Variants in PPEF1 observed in about 807,000 individuals in gnomAD.
PPEF1 encodes protein phosphatase with EF-hand domain 1.
PPEF1 carries 12 observed loss-of-function variants against 53.3 expected under a neutral mutation model. That is an observed-to-expected ratio of 0.23 (90% CI 0.14 to 0.36). The LOEUF (loss-of-function observed/expected upper bound fraction) is 0.36. Ranked by LOEUF, PPEF1 falls within the 10% of genes least tolerant of loss-of-function variation. The pLI, the probability that PPEF1 is intolerant of heterozygous loss-of-function variation, is 1.00. For synonymous variants in PPEF1, 165 were observed against 176.7 expected, an observed-to-expected ratio of 0.93 and a Z score of 0.52; for missense variants, 334 against 490.4, an observed-to-expected ratio of 0.68 and a Z score of 3.01.
chrX:18,718,485 C>T (rs1738179130), intron 1 of PPEF1, among the ~76,000 whole-genome samples: 2 of 110,890 alleles, frequency 1.8e-5, no homozygotes, highest in South Asian at 7.8e-4. Context: ...GGCAGAGGAT[C>T]ACTTGAGCCC....
chrX:18,743,454 T>C (rs2045243463), intron 3 of PPEF1, among the ~76,000 whole-genome samples: 1 of 92,128 alleles, frequency 1.1e-5, no homozygotes. Flanking sequence ...TTCTTTTTTT[T>C]TTTTTTTTTT....
intron 5 of PPEF1, among the ~76,000 whole-genome samples, chrX:18,759,418 T>G (rs2045613889): frequency 9.0e-6 from 1 of 111,621 alleles, no homozygotes; most frequent in Non-Finnish European, 1.9e-5. Context: ...GAGATGCATT[T>G]TTTTACATGT....
intron 9 of PPEF1, among the ~76,000 whole-genome samples, chrX:18,788,253 C>T (rs1035491632): frequency 4.4e-5 from 4 of 91,247 alleles, no homozygotes; most frequent in Non-Finnish European, 8.2e-5. Context: ...TGCAGTGAGC[C>T]GAGATCGCGC....
At chrX:18,709,583 C>T (rs1039818329) in intron 1 of PPEF1, among the ~76,000 whole-genome samples, 8 of 107,781 alleles carry the variant, frequency 7.4e-5, no homozygotes, top group East Asian at 2.9e-4. Context: ...CTGCAACCTC[C>T]GCCTCCCAGG....
intron 4 of PPEF1, among the ~76,000 whole-genome samples, chrX:18,756,587 A>G (rs2045554682): frequency 8.9e-6 from 1 of 112,423 alleles, no homozygotes; most frequent in Non-Finnish European, 1.9e-5. Flanking sequence ...GAATATATTT[A>G]TAAATGGAGA....
chrX:18,731,113 A>T (rs377697614), intron 2 of PPEF1, among the ~76,000 whole-genome samples: 1 of 112,682 alleles, frequency 8.9e-6, no homozygotes, highest in Non-Finnish European at 1.9e-5. Flanking sequence ...AAGATCTCCA[A>T]TATAGTTGCT....
At chrX:18,804,863 C>A (rs1305512458) in intron 11 of PPEF1, among the ~76,000 whole-genome samples, 1 of 112,234 alleles carries the variant, frequency 8.9e-6, no homozygotes, top group Non-Finnish European at 1.9e-5. Context: ...AGTTTAGCTG[C>A]AGCCACTAAA....
chrX:18,707,477 T>C (rs1034091991), upstream of PPEF1, among the ~76,000 whole-genome samples: 1 of 112,485 alleles, frequency 8.9e-6, no homozygotes, highest in Non-Finnish European at 1.9e-5. Flanking sequence ...CTATAGCTGC[T>C]CTGTAGCTGC....
intron 1 of PPEF1, among the ~76,000 whole-genome samples, chrX:18,714,269 G>GTTTTTTTTTTTT (rs752286222): frequency 1.6e-5 from 1 of 61,949 alleles, no homozygotes; most frequent in Admixed American, 1.9e-4. Flanking sequence ...TTTGTTTTTC[G>GTTTTTTTTTTTT]TTTTTTTGTT....
intron 1 of PPEF1, among the ~76,000 whole-genome samples, chrX:18,715,835 T>C (rs1231823140): frequency 8.9e-6 from 1 of 112,303 alleles, no homozygotes; most frequent in Non-Finnish European, 1.9e-5. Flanking sequence ...GAATTGGAAT[T>C]TATCCACATA....
chrX:18,783,591 G>A (rs1345526088), intron 8 of PPEF1, among the ~76,000 whole-genome samples: 1 of 110,428 alleles, frequency 9.1e-6, no homozygotes, highest in Non-Finnish European at 1.9e-5. Context: ...GGTGGCACAC[G>A]CCTTTAGTCC....
At chrX:18,760,276 C>T (rs2045633305) in intron 5 of PPEF1, among the ~76,000 whole-genome samples, 2 of 111,251 alleles carry the variant, frequency 1.8e-5, no homozygotes, top group African/African-American at 3.3e-5. Flanking sequence ...CATGAGCCAC[C>T]GTGCCTGGCC....
intron 1 of PPEF1, among the ~76,000 whole-genome samples, chrX:18,723,993 GC>G (rs2044648887): frequency 9.0e-6 from 1 of 110,932 alleles, no homozygotes; most frequent in Admixed American, 9.7e-5. Context: ...TCGCCATGTT[GC>G]CCAGGCTGGT....
chrX:18,728,188 G>GCTCT (rs1170613825), intron 1 of PPEF1, among the ~76,000 whole-genome samples: 1 of 105,316 alleles, frequency 9.5e-6, no homozygotes, highest in Non-Finnish European at 2.0e-5. Context: ...TCTCTCTCTC[G>GCTCT]CTCTCTCTCT....
intron 10 of PPEF1, among the ~76,000 whole-genome samples, chrX:18,795,504 G>C (rs1444043748): frequency 8.9e-6 from 1 of 111,952 alleles, no homozygotes; most frequent in African/African-American, 3.2e-5. Context: ...TGCCTGTCTG[G>C]AGTCTCTGGC....
intron 5 of PPEF1, among the ~76,000 whole-genome samples, chrX:18,699,308 C>T (rs1602352530): frequency 1.8e-5 from 2 of 111,392 alleles, no homozygotes; most frequent in East Asian, 2.8e-4. Flanking sequence ...AACTAGGTAA[C>T]CACTTTACTA....
chrX:18,707,878 T>C, intron 1 of PPEF1, 52 bp downstream of exon 1: 2 of 1,067,872 alleles, frequency 1.9e-6, no homozygotes, highest in South Asian at 1.9e-5. Flanking sequence ...GAAAATGAGC[T>C]GCCCTCACCC....
intron 12 of PPEF1, among the ~76,000 whole-genome samples, chrX:18,814,446 T>C (rs1351242630): frequency 8.9e-6 from 1 of 112,267 alleles, no homozygotes; most frequent in East Asian, 2.8e-4. Flanking sequence ...TGAACTAGTT[T>C]GCATTTACAC....
At chrX:18,823,515 T>C (rs2047105729) in intron 13 of PPEF1, among the ~76,000 whole-genome samples, 1 of 108,717 alleles carries the variant, frequency 9.2e-6, no homozygotes, top group Admixed American at 1.0e-4. Context: ...TAATCCCAGA[T>C]ACTTGGGAGG....
Sources: gnomAD v4.1 joint callset for allele counts (sites outside exome capture counted in the v4.1 genomes callset) on GRCh38, gnomAD v4.1.1 for gene constraint, MANE v1.5 for transcripts, NCBI Gene and HGNC (gene_info 2026-07-23, HGNC 2026-07-21) for gene names.